The following KIF5C variants were observed in gnomAD, a reference collection of about 807,000 sequenced individuals.
KIF5C encodes the protein kinesin heavy chain isoform 5C.
A neutral mutation model predicts 125.2 loss-of-function variants in KIF5C; 18 were observed. The ratio of observed to expected loss-of-function variants is 0.14; its 90% CI spans 0.10 to 0.21. The LOEUF (loss-of-function observed/expected upper bound fraction) is 0.21. KIF5C is among the 10% of genes least tolerant of loss of function. The probability of loss-of-function intolerance (pLI) is 1.00; values close to 1 mark genes in which losing one functional copy is unlikely to be tolerated. For synonymous variants in KIF5C, 405 were observed against 434.0 expected (o/e 0.93, Z 0.83); for missense variants, 780 against 1,183.8 (o/e 0.66, Z 5.01).
chr2:148,907,128 C>G (rs1681141650), intron 1 of KIF5C, among the ~76,000 whole-genome samples: 1 of 152,196 alleles, frequency 6.6e-6, no homozygotes, highest in Non-Finnish European at 1.5e-5. Context: ...GCTTTTCAGA[C>G]CCAATCCAAG....
Position 148,875,577 on chromosome 2 carries a change from C to CCCCCCCCCCTCCCCCTG in KIF5C, c.-37_-36insCCCCCTCCCCCTGCCCC. 1 of 551,990 alleles carries CCCCCCCCCCTCCCCCTG rather than the reference C, an allele frequency of 1.8e-6. No individual in the cohort carries two copies. The highest frequency in any genetic ancestry group is 2.4e-5 in the Admixed American group (1 of 42,258). The allele number at this position is 551,990 out of a possible 1,614,324, so 34.2% of individuals were successfully genotyped here. A position where few individuals can be genotyped will look rare whatever the true frequency, so the allele number is the denominator to read the frequency against. ...CTCCCTCGTCGTTCCCGGCCCCGGC[C>CCCCCCCCCCTCCCCCTG]CCCCACCCATCCCCGTGCCCCCTCC... On this transcript the variant is annotated 5_prime_UTR_variant, in exon 1 of 26. Coordinates refer to ENST00000435030, the MANE Select transcript of KIF5C (RefSeq NM_004522.3).
At chr2:148,922,258 C>G in intron 2 of KIF5C, 31 bp downstream of exon 2, 1 of 1,424,468 alleles carries the variant, frequency 7.0e-7, no homozygotes, top group Admixed American at 1.8e-5. Flanking sequence ...TCCTCCTGGG[C>G]CATTCAGAGT....
chr2:148,997,226 C>T, intron 17 of KIF5C, 38 bp from the exon 18 acceptor site: 1 of 1,592,744 alleles, frequency 6.3e-7, no homozygotes, highest in African/African-American at 1.3e-5. Flanking sequence ...TGAGTCCCAC[C>T]AGTTAAGTCT....
In KIF5C at chr2:148,985,362, T is replaced by C. The variant is rs1163482946; in HGVS notation, c.1716+1596T>C. Among the ~76,000 whole-genome samples, 3 of 152,208 alleles carry C rather than the reference T, an allele frequency of 2.0e-5. No individual in the cohort carries two copies. The East Asian group carries it at 5.8e-4, about 29-fold the overall frequency. On this transcript the variant is annotated intron_variant, in intron 15 of 25. Transcript: ENST00000435030. ...CTGCACATATTTAAAGTATACAGTCTGAGAAATTTTGACGTATGTGTACAG... is the reference window on the plus strand; with the variant it reads ...CTGCACATATTTAAAGTATACAGTCCGAGAAATTTTGACGTATGTGTACAG...
intron 15 of KIF5C, among the ~76,000 whole-genome samples, chr2:148,989,051 G>C (rs551619810): frequency 6.6e-6 from 1 of 152,160 alleles, no homozygotes; most frequent in South Asian, 2.1e-4. Context: ...CTGAGATTTT[G>C]GTGCACCCAT....
At chr2:148,929,575 G>C (rs1682123771) in intron 3 of KIF5C, among the ~76,000 whole-genome samples, 1 of 152,224 alleles carries the variant, frequency 6.6e-6, no homozygotes, top group Admixed American at 6.5e-5. Context: ...CTTTGTGACA[G>C]TAACAATACA....
intron 22 of KIF5C, among the ~76,000 whole-genome samples, chr2:149,006,207 G>T (rs1213945813): frequency 2.0e-5 from 3 of 152,220 alleles, no homozygotes; most frequent in African/African-American, 7.2e-5. Flanking sequence ...ATTTGAGTGT[G>T]TGTACGTGTG....
chr2:148,931,208 A>T (rs1682178217), intron 3 of KIF5C, among the ~76,000 whole-genome samples: 1 of 152,178 alleles, frequency 6.6e-6, no homozygotes, highest in Non-Finnish European at 1.5e-5. Flanking sequence ...AATCCCCCAA[A>T]ATCTCTTGGA....
intron 1 of KIF5C, among the ~76,000 whole-genome samples, chr2:148,905,588 A>C (rs1175086789): frequency 6.6e-6 from 1 of 152,190 alleles, no homozygotes; most frequent in Non-Finnish European, 1.5e-5. Flanking sequence ...GTGATAGCAC[A>C]GTGAGTTGAG....
chr2:149,005,937 T>TA (rs1681993228), intron 22 of KIF5C, among the ~76,000 whole-genome samples: 1 of 152,190 alleles, frequency 6.6e-6, no homozygotes, highest in Non-Finnish European at 1.5e-5. Flanking sequence ...AAGTGGTGCT[T>TA]AGTGTTCCTG....
At chr2:148,905,737 A>C (rs1290429491) in intron 1 of KIF5C, among the ~76,000 whole-genome samples, 1 of 152,168 alleles carries the variant, frequency 6.6e-6, no homozygotes, top group Non-Finnish European at 1.5e-5. Flanking sequence ...ATATTAGTCC[A>C]CTTTCACACT....
intron 21 of KIF5C, among the ~76,000 whole-genome samples, chr2:149,002,073 G>C (rs533160709): frequency 6.6e-6 from 1 of 152,236 alleles, no homozygotes; most frequent in African/African-American, 2.4e-5. Context: ...GGCTGCTGCC[G>C]GGGAACCCGA....
chr2:148,904,639 C>T (rs1201928421), intron 1 of KIF5C, among the ~76,000 whole-genome samples: 1 of 152,118 alleles, frequency 6.6e-6, no homozygotes, highest in Non-Finnish European at 1.5e-5. Flanking sequence ...CTAGTTTTGA[C>T]ATTTAGGGTG....
chr2:148,877,593 G>A lies in KIF5C; in HGVS notation c.126+1850G>A, dbSNP rs541608787. ...GGTTTAGATAGAGTGGGAGTTACTG[G>A]GGACATCTAGTCCCTGCCCCTTGGC... On this transcript the variant is annotated intron_variant, in intron 1 of 25. Transcript: ENST00000435030. 2.0e-5 allele frequency among the ~76,000 whole-genome samples: 3 copies of A among 152,304 alleles called. No individual in the cohort carries two copies. The South Asian group carries it at 6.2e-4, about 32-fold the overall frequency.
chr2:148,983,302 CTG>C (rs1371538028), intron 14 of KIF5C, among the ~76,000 whole-genome samples: 1 of 152,160 alleles, frequency 6.6e-6, no homozygotes, highest in African/African-American at 2.4e-5. Flanking sequence ...CATAGAATAT[CTG>C]GTAAGTAGGA....
chr2:148,973,736 C>T (rs1680982912), intron 12 of KIF5C, among the ~76,000 whole-genome samples: 1 of 152,190 alleles, frequency 6.6e-6, no homozygotes, highest in South Asian at 2.1e-4. Context: ...CCTAGATAGA[C>T]AGGCGGGTGC....
intron 12 of KIF5C, among the ~76,000 whole-genome samples, chr2:148,975,962 G>A (rs13007851): frequency 1.3e-5 from 2 of 152,182 alleles, no homozygotes; most frequent in African/African-American, 2.4e-5. Context: ...GCTTACTTCC[G>A]TGTGTGGTGT....
chr2:148,983,107 C>CT lies in KIF5C; in HGVS notation c.1570-503dup, dbSNP rs536169726. Among the ~76,000 whole-genome samples the CT allele has an allele frequency of 1.2e-3, 180 of 149,178 alleles. 2 individuals carry two copies. Among genetic ancestry groups the CT allele is most frequent in the African/African-American group, 3.5e-3 (143 of 40,722 alleles). On this transcript the variant is annotated intron_variant, in intron 14 of 25. Transcript: ENST00000435030. ...CAGCTTCACTCTGAAAATTGGAAGA[C>CT]TTTTTTTTTTGAAGTTGTTTTCTAA...
At position 148,949,072 on chromosome 2, in the gene KIF5C, C is replaced by CTGCA. The variant is rs375313336; in HGVS notation, c.715-765_715-762dup. On this transcript the variant is annotated intron_variant, in intron 8 of 25. Coordinates refer to ENST00000435030, the MANE Select transcript of KIF5C (RefSeq NM_004522.3). ...TTTCTTGAGAGAGCAGCTGCTCCCC[C>CTGCA]TGCATCGTTTGTCCAGTCAGCAGAG... is the stretch of plus-strand genomic sequence containing the variant. Among the ~76,000 whole-genome samples the CTGCA allele has an allele frequency of 4.7e-3, 722 of 152,292 alleles. 3 individuals are homozygous for CTGCA. The highest frequency in any genetic ancestry group is 7.7e-3 in the Non-Finnish European group (525 of 68,022).
Sources: gnomAD v4.1 joint callset for allele counts (sites outside exome capture counted in the v4.1 genomes callset) on GRCh38, gnomAD v4.1.1 for gene constraint, MANE v1.5 for transcripts, NCBI Gene and HGNC (gene_info 2026-07-23, HGNC 2026-07-21) for gene names.